SCFD2: variants seen among roughly 807,000 people sequenced by gnomAD.
The protein encoded by SCFD2 is sec1 family domain-containing protein 2.
In SCFD2, 54 loss-of-function variants were observed where a neutral mutation model predicts 58.9. That is an observed-to-expected ratio of 0.92 (90% CI 0.74 to 1.15). SCFD2 has a LOEUF of 1.15. Ranked by LOEUF, SCFD2 falls within the 50% of genes most tolerant of loss-of-function variation. The probability of loss-of-function intolerance (pLI) is 0.00; values close to 1 mark genes in which losing one functional copy is unlikely to be tolerated. For synonymous variants in SCFD2, 321 were observed against 335.9 expected (o/e 0.96, Z 0.49); for missense variants, 805 against 836.6 (o/e 0.96, Z 0.47).
At chr4:53,316,558 T>C (rs1221003176) in intron 2 of SCFD2, among the ~76,000 whole-genome samples, 5 of 152,280 alleles carry the variant, frequency 3.3e-5, no homozygotes, top group Non-Finnish European at 2.9e-5. Context: ...TTGTTATAAG[T>C]GGTATTGTCT....
chr4:53,181,162 C>T (rs979016771), intron 4 of SCFD2, among the ~76,000 whole-genome samples: 1 of 152,096 alleles, frequency 6.6e-6, no homozygotes, highest in African/African-American at 2.4e-5. Flanking sequence ...GTTATGAGGC[C>T]AGCATCATCC....
intron 7 of SCFD2, among the ~76,000 whole-genome samples, chr4:52,892,957 G>C (rs930056578): frequency 6.6e-6 from 1 of 152,154 alleles, no homozygotes; most frequent in Non-Finnish European, 1.5e-5. Flanking sequence ...TTGAACTTAT[G>C]GATCATGTTT....
intron 4 of SCFD2, among the ~76,000 whole-genome samples, chr4:53,188,991 C>T (rs1181307640): frequency 6.6e-6 from 1 of 152,148 alleles, no homozygotes; most frequent in East Asian, 1.9e-4. Context: ...TGACAGGTAA[C>T]TCAGGAATGC....
At chr4:52,912,482 T>C (rs569826003) in intron 6 of SCFD2, among the ~76,000 whole-genome samples, 2 of 152,224 alleles carry the variant, frequency 1.3e-5, no homozygotes, top group African/African-American at 4.8e-5. Flanking sequence ...CATAGAGAAG[T>C]TGATAGGTTT....
chr4:52,932,179 G>A (rs1295153720), intron 5 of SCFD2, among the ~76,000 whole-genome samples: 1 of 152,214 alleles, frequency 6.6e-6, no homozygotes, highest in Non-Finnish European at 1.5e-5. Context: ...TTTTAGAAAT[G>A]CCAATAAAAT....
chr4:53,280,439 C>G (rs1731474303), intron 3 of SCFD2, among the ~76,000 whole-genome samples: 1 of 151,874 alleles, frequency 6.6e-6, no homozygotes, highest in Admixed American at 6.6e-5. Context: ...TTACCTGAGC[C>G]CAGGAGACAG....
chr4:52,921,647 G>T (rs1039825189), intron 5 of SCFD2, among the ~76,000 whole-genome samples: 1 of 152,154 alleles, frequency 6.6e-6, no homozygotes, highest in Non-Finnish European at 1.5e-5. Context: ...TGAGGTGCAG[G>T]TTAAGTAACA....
chr4:53,033,489 A>G (rs1249413385), intron 5 of SCFD2, among the ~76,000 whole-genome samples: 1 of 152,202 alleles, frequency 6.6e-6, no homozygotes, highest in Non-Finnish European at 1.5e-5. Flanking sequence ...TGAAGGAGAT[A>G]GAGACACGAA....
chr4:53,344,925 T>C (rs1734010232), intron 2 of SCFD2, among the ~76,000 whole-genome samples: 1 of 152,176 alleles, frequency 6.6e-6, no homozygotes, highest in Non-Finnish European at 1.5e-5. Flanking sequence ...GATCCCTTCC[T>C]TACACCTTAT....
At chr4:53,339,353 T>C (rs1733788182) in intron 2 of SCFD2, among the ~76,000 whole-genome samples, 1 of 150,428 alleles carries the variant, frequency 6.6e-6, no homozygotes, top group African/African-American at 2.4e-5. Flanking sequence ...TATATGTAAA[T>C]GTATATTACA....
intron 5 of SCFD2, among the ~76,000 whole-genome samples, chr4:53,129,367 C>G (rs930304955): frequency 7.2e-5 from 11 of 152,182 alleles, no homozygotes. Flanking sequence ...AATAAACAAG[C>G]AACACATGAA....
At chr4:53,166,257 A>G (rs1241086549) in intron 4 of SCFD2, among the ~76,000 whole-genome samples, 2 of 152,224 alleles carry the variant, frequency 1.3e-5, no homozygotes, top group Non-Finnish European at 2.9e-5. Context: ...TATCTTTATA[A>G]AGAGGTAGAG....
At position 53,088,008 on chromosome 4, in the gene SCFD2, G is replaced by C. The variant is rs537665803; in HGVS notation, c.1561+57325C>G. Among the ~76,000 whole-genome samples the C allele has an allele frequency of 1.1e-4, 16 of 152,176 alleles. No homozygotes were observed. The South Asian group carries it at 3.3e-3, about 32-fold the overall frequency. ...TTGAAAGTGAGGCTTGGCTCCTTCCGACTGCTTATAGTAAAATAACAGAAG... is the reference window on the plus strand; with the variant it reads ...TTGAAAGTGAGGCTTGGCTCCTTCCCACTGCTTATAGTAAAATAACAGAAG... On this transcript the variant is annotated intron_variant, in intron 5 of 8. Coordinates refer to ENST00000401642, the MANE Select transcript of SCFD2 (RefSeq NM_152540.4).
At chr4:52,991,558 G>A (rs1214142250) in intron 5 of SCFD2, among the ~76,000 whole-genome samples, 1 of 152,106 alleles carries the variant, frequency 6.6e-6, no homozygotes, top group African/African-American at 2.4e-5. Context: ...GACAAGACTG[G>A]CACCCAGAGA....
At chr4:53,103,960 T>C (rs1357987073) in intron 5 of SCFD2, among the ~76,000 whole-genome samples, 3 of 147,144 alleles carry the variant, frequency 2.0e-5, no homozygotes, top group Admixed American at 6.8e-5. Context: ...AAAATAAATA[T>C]GTATCAGTCC....
chr4:53,148,625 C>T (rs1212025089), intron 4 of SCFD2, among the ~76,000 whole-genome samples: 3 of 152,218 alleles, frequency 2.0e-5, no homozygotes, highest in Non-Finnish European at 4.4e-5. Context: ...TCCATTTTCA[C>T]TTTCTCCCCC....
intron 2 of SCFD2, 55 bp downstream of exon 2, chr4:53,352,543 G>A (rs1577996942): frequency 2.4e-5 from 35 of 1,447,882 alleles, no homozygotes; most frequent in East Asian, 6.9e-5. Context: ...CAGTCTAGGA[G>A]AAAAAGAAAG....
At chr4:53,135,782 A>G (rs10031285) in intron 5 of SCFD2, among the ~76,000 whole-genome samples, 3,072 of 151,366 alleles carry the variant, frequency 0.02, 114 homozygotes, top group African/African-American at 0.071. Context: ...AGTCTCCACC[A>G]CTCCCTATTG....
chr4:53,241,089 C>T (rs1366174181), intron 4 of SCFD2, among the ~76,000 whole-genome samples: 1 of 152,242 alleles, frequency 6.6e-6, no homozygotes, highest in Non-Finnish European at 1.5e-5. Context: ...CCCCCAACAA[C>T]TCCTGCAGAA....
Sources: allele counts gnomAD v4.1 joint callset (sites outside exome capture counted in the v4.1 genomes callset), GRCh38; gene constraint gnomAD v4.1.1; transcripts MANE v1.5; gene names NCBI Gene and HGNC (gene_info 2026-07-23, HGNC 2026-07-21).